The following ATP13A2 variants were observed in gnomAD, a reference collection of about 807,000 sequenced individuals.
ATP13A2 encodes polyamine-transporting ATPase 13A2.
ATP13A2 carries 83 observed loss-of-function variants against 138.3 expected under a neutral mutation model. The observed-to-expected ratio is 0.60, with a 90% CI of 0.50 to 0.72. The LOEUF is 0.72. Ranked by LOEUF, ATP13A2 falls within the 30% of genes least tolerant of loss-of-function variation. The pLI is 0.00. For synonymous variants in ATP13A2, 663 were observed against 699.0 expected (o/e 0.95, Z 0.81); for missense variants, 1,402 against 1,606.4 (o/e 0.87, Z 2.17).
At position 17,002,067 on chromosome 1, in the gene ATP13A2, C is replaced by G. The variant is rs778214426; in HGVS notation, c.672G>C (p.Pro224=). 1 of 1,613,538 alleles carries G rather than the reference C, an allele frequency of 6.2e-7. No homozygotes were observed. ...AIYGPNVISI[P]VKSYPQLLVD... Reference sequence around the variant, plus strand: ...CCAGCAGCTGGGGGTAGGACTTGACCGGTATGCTGATCACGTTGGGGCCGT... The same window carrying G: ...CCAGCAGCTGGGGGTAGGACTTGACGGGTATGCTGATCACGTTGGGGCCGT... The change falls in exon 8 of 29, where the codon CCG becomes CCC. Residue 224 remains proline, a synonymous_variant. Transcript: ENST00000326735.
At position 16,997,048 on chromosome 1, in the gene ATP13A2, C is replaced by T. The variant is rs776283025; in HGVS notation, c.1167G>A (p.Pro389=). Residue 389 remains proline (P), a synonymous_variant, in exon 12 of 29, where the codon CCG becomes CCA. Coordinates refer to ENST00000326735, the MANE Select transcript of ATP13A2 (RefSeq NM_022089.4). ...LILQARAYVG[P]HVLAVVTRTG... Reference sequence around the variant, plus strand: ...TGCGGGTCACCACTGCCAGGACGTGCGGTCCCACATAGGCCCGGGCCTGCA... The same window carrying T: ...TGCGGGTCACCACTGCCAGGACGTGTGGTCCCACATAGGCCCGGGCCTGCA... 12 of 1,612,752 alleles carry T rather than the reference C, an allele frequency of 7.4e-6. No individual in the cohort carries two copies. Among genetic ancestry groups the T allele is most frequent in the Non-Finnish European group, 9.3e-6 (11 of 1,179,982 alleles).
At chr1:16,999,966 T>A (rs764011577) in intron 11 of ATP13A2, 45 bp downstream of exon 11, 1 of 1,561,464 alleles carries the variant, frequency 6.4e-7, no homozygotes, top group South Asian at 1.2e-5. Flanking sequence ...AAGGGTTGGA[T>A]GGCAGGGGAG....
chr1:17,000,519 A>G lies in ATP13A2; in HGVS notation c.721T>C (p.Tyr241His). Residue 241 changes from tyrosine (Y) to histidine (H), a missense_variant, in exon 9 of 29, where the codon TAT (tyrosine) becomes CAT (histidine). Coordinates refer to ENST00000326735, the MANE Select transcript of ATP13A2 (RefSeq NM_022089.4). Reference sequence around the variant, plus strand: ...GCGATGCTGAAGGCCTGGAACCCATAGTAGGGGTTCAGTGCCTGGGGGAGG... The same window carrying G: ...GCGATGCTGAAGGCCTGGAACCCATGGTAGGGGTTCAGTGCCTGGGGGAGG... ...LLVDEALNPY[Y>H]GFQAFSIALW... is the part of the protein sequence containing the mutation. 1 of 1,613,996 alleles carries G rather than the reference A, an allele frequency of 6.2e-7. No individual in the cohort carries two copies. Among genetic ancestry groups the G allele is most frequent in the Non-Finnish European group, 8.5e-7 (1 of 1,179,912 alleles).
rs1159590896 is a variant in ATP13A2 at position 17,005,413 on chromosome 1, G to A, written c.249C>T (p.Ala83=). Residue 83 remains alanine (A), a synonymous_variant, in exon 3 of 29, where the codon GCC becomes GCT. Coordinates refer to ENST00000326735, the MANE Select transcript of ATP13A2 (RefSeq NM_022089.4). ...VRLRLRPCNL[A]HAETLVIEIR... ...TTTCGATAACGAGTGTTTCGGCGTGGGCCAGGTTGCAGGGCCGGAGCCGCA... is the reference window on the plus strand; with the variant it reads ...TTTCGATAACGAGTGTTTCGGCGTGAGCCAGGTTGCAGGGCCGGAGCCGCA... The A allele has an allele frequency of 1.9e-5, 30 of 1,612,348 alleles. No homozygotes were observed. Among genetic ancestry groups the A allele is most frequent in the Non-Finnish European group, 2.5e-5 (29 of 1,179,282 alleles).
In ATP13A2 at chr1:16,986,837, C is replaced by T. The variant is rs1216254157; in HGVS notation, c.3203G>A (p.Gly1068Glu). 6.2e-7 allele frequency: 1 copy of T among 1,613,252 alleles called. No individual in the cohort carries two copies. Among genetic ancestry groups the T allele is most frequent in the Non-Finnish European group, 8.5e-7 (1 of 1,179,802 alleles). Residue 1068 changes from glycine (G) to glutamate (E), a missense_variant, in exon 27 of 29, where the codon GGG becomes GAG. Coordinates refer to ENST00000326735, the MANE Select transcript of ATP13A2 (RefSeq NM_022089.4). This position sits in a 1 kb window ranked among gnomAD's most constrained non-coding sequence, Gnocchi z 6.9. Reference sequence around the variant, plus strand: ...GTAGAGCGGCCGGCGGAAGGGCGCCCCCTTGGACACGGCTGCAGCCAGGAT... The same window carrying T: ...GTAGAGCGGCCGGCGGAAGGGCGCCTCCTTGGACACGGCTGCAGCCAGGAT... ...YLILAAAVSK[G>E]APFRRPLYTN...
chr1:16,986,773 C>A lies in ATP13A2; in HGVS notation c.3235+32G>T, dbSNP rs369718815. 36 of 1,603,816 alleles carry A rather than the reference C, an allele frequency of 2.2e-5. No homozygotes were observed. In the African/African-American group the frequency reaches 4.4e-4, roughly 20 times the overall value. ...ACCCCAGGGCTCCTCCCTCCCTCCGCCAGCATCTCCCGCCCGCGCCCGCAG... is the reference window on the plus strand; with the variant it reads ...ACCCCAGGGCTCCTCCCTCCCTCCGACAGCATCTCCCGCCCGCGCCCGCAG... On this transcript the variant is annotated intron_variant, in intron 27 of 28. Coordinates refer to ENST00000326735, the MANE Select transcript of ATP13A2 (RefSeq NM_022089.4). This position sits in a 1 kb window ranked among gnomAD's most constrained non-coding sequence, Gnocchi z 6.9.
intron 8 of ATP13A2, 75 bp downstream of exon 8, chr1:17,001,959 A>AGAG: frequency 6.7e-7 from 1 of 1,486,918 alleles, no homozygotes; most frequent in Non-Finnish European, 9.1e-7. Context: ...AAAGTGGCCC[A>AGAG]GAGGAGGCAA....
chr1:17,009,386 C>T (rs1341467160), intron 1 of ATP13A2, among the ~76,000 whole-genome samples: 1 of 115,654 alleles, frequency 8.6e-6, no homozygotes, highest in Non-Finnish European at 1.8e-5. Context: ...TGAGCCTCTT[C>T]CTTTTTTTTT....
At chr1:17,003,624 T>G (rs796339174) in intron 6 of ATP13A2, among the ~76,000 whole-genome samples, 1 of 88,964 alleles carries the variant, frequency 1.1e-5, no homozygotes, top group Non-Finnish European at 2.3e-5. Flanking sequence ...CACACACACA[T>G]ACACACAAAC....
chr1:17,005,314 C>A lies in ATP13A2; in HGVS notation c.288+60G>T, dbSNP rs888526990. The A allele has an allele frequency of 6.4e-6, 10 of 1,551,696 alleles. No individual in the cohort carries two copies. In the African/African-American group the frequency reaches 1.2e-4, roughly 19 times the overall value. On this transcript the variant is annotated intron_variant, in intron 3 of 28. Transcript: ENST00000326735. ...GGCCGGGTTGGCACCCAAGCATCCT[C>A]CACCCCCGACCCTGACCCTCACTGC...
intron 12 of ATP13A2, 154 bp from the exon 13 acceptor site, chr1:16,996,650 G>T: frequency 1.5e-6 from 1 of 657,738 alleles, no homozygotes. Context: ...GGTCTGGCCC[G>T]GCTCTTGTAG....
At position 16,990,131 on chromosome 1, in the gene ATP13A2, A is replaced by T; in HGVS notation, c.2408T>A (p.Val803Asp). 1 of 1,614,116 alleles carries T rather than the reference A, an allele frequency of 6.2e-7. No individual in the cohort carries two copies. The highest frequency in any genetic ancestry group is 1.1e-5 in the South Asian group (1 of 91,086). Residue 803 changes from valine to aspartate, a missense_variant, in exon 21 of 29, where the codon GTT becomes GAT. Physicochemically the swap from Val to Asp is radical, Grantham distance 152 (BLOSUM62 -3). Transcript: ENST00000326735. ...PMESPTAVNGVKDPDQAASYT... is the reference protein window; with the variant it reads ...PMESPTAVNGDKDPDQAASYT... ...GGAACTCTGGGTTAGCCTCACCTTA[A>T]CGCCATTCACGGCTGTGGGGGACTC...
chr1:17,007,614 C>T (rs1360792637), intron 1 of ATP13A2, among the ~76,000 whole-genome samples: 5 of 146,648 alleles, frequency 3.4e-5, no homozygotes, highest in Non-Finnish European at 6.0e-5. Flanking sequence ...TGCAGTGGCG[C>T]GATCTCGGCT....
intron 15 of ATP13A2, among the ~76,000 whole-genome samples, chr1:16,994,184 G>A (rs1013057200): frequency 2.7e-5 from 4 of 148,400 alleles, no homozygotes; most frequent in South Asian, 2.1e-4. Context: ...CGGTTGGCTC[G>A]CTCTCTCTCT....
At chr1:16,993,041 C>G (rs1252695392) in intron 16 of ATP13A2, among the ~76,000 whole-genome samples, 1 of 152,056 alleles carries the variant, frequency 6.6e-6, no homozygotes, top group Non-Finnish European at 1.5e-5. Context: ...CTCAGCCTCC[C>G]AAGTAGCTGG....
chr1:16,986,242 C>T lies in ATP13A2; in HGVS notation c.3522G>A (p.Leu1174=). The T allele has an allele frequency of 6.2e-7, 1 of 1,609,896 alleles. No individual in the cohort carries two copies. Among genetic ancestry groups the T allele is most frequent in the South Asian group, 1.1e-5 (1 of 90,350 alleles). The change falls in exon 29 of 29, where the codon CTG becomes CTA. Residue 1174 remains leucine, a synonymous_variant. Transcript: ENST00000326735. The surrounding 1 kb of genome is among the most constrained non-coding windows in gnomAD (Gnocchi z 6.9). The part of the protein sequence containing the change: ...RELAEQPWPP[L]PAGPLR ...TGCACTACCTCAGGGGGCCGGCGGGCAGCGGCGGCCAGGGCTGCTCGGCCA... is the reference window on the plus strand; with the variant it reads ...TGCACTACCTCAGGGGGCCGGCGGGTAGCGGCGGCCAGGGCTGCTCGGCCA...
intron 20 of ATP13A2, among the ~76,000 whole-genome samples, chr1:16,991,200 G>A (rs369560495): frequency 1.3e-5 from 2 of 151,936 alleles, no homozygotes. Flanking sequence ...ATCCGCCCGC[G>A]TCGGCCTCCC....
chr1:17,005,577 G>T, intron 2 of ATP13A2, 21 bp from the exon 3 acceptor site: 2 of 1,614,196 alleles, frequency 1.2e-6, no homozygotes, highest in South Asian at 2.2e-5. Flanking sequence ...AGCGAGAGAG[G>T]GCCCAGGTCG....
At chr1:17,005,600 G>T (rs762304681) in intron 2 of ATP13A2, 44 bp from the exon 3 acceptor site, 1 of 1,613,930 alleles carries the variant, frequency 6.2e-7, no homozygotes, top group Non-Finnish European at 8.5e-7. Flanking sequence ...GTGGGAACGG[G>T]GCTGGAGTAG....
Sources: allele counts gnomAD v4.1 joint callset (sites outside exome capture counted in the v4.1 genomes callset), GRCh38; gene constraint gnomAD v4.1.1; non-coding constraint Gnocchi (gnomAD v3.1); transcripts MANE v1.5; gene names NCBI Gene and HGNC (gene_info 2026-07-23, HGNC 2026-07-21).